Variants in CRYBG1 observed in about 807,000 individuals in gnomAD.
The protein encoded by CRYBG1 is crystallin beta-gamma domain containing 1.
A neutral mutation model predicts 189.2 loss-of-function variants in CRYBG1; 139 were observed. The ratio of observed to expected loss-of-function variants is 0.73; its 90% CI spans 0.64 to 0.85. The LOEUF (loss-of-function observed/expected upper bound fraction) is 0.85, where lower values mean the gene tolerates loss of function less well. Among genes scored for constraint, CRYBG1 ranks in the 40% least tolerant of loss-of-function variants. The pLI is 0.00. For synonymous variants in CRYBG1, 1,023 were observed against 1,017.1 expected, an observed-to-expected ratio of 1.01 and a Z score of -0.11; for missense variants, 2,611 against 2,675.8, an observed-to-expected ratio of 0.98 and a Z score of 0.53.
At chr6:106,525,756 C>T (rs1773725839) in intron 6 of CRYBG1, among the ~76,000 whole-genome samples, 2 of 151,638 alleles carry the variant, frequency 1.3e-5, no homozygotes, top group South Asian at 4.2e-4. Context: ...AGGCCAGATA[C>T]GACTTTTCAA....
chr6:106,557,070 C>T (rs1264082263), intron 17 of CRYBG1, among the ~76,000 whole-genome samples: 1 of 152,172 alleles, frequency 6.6e-6, no homozygotes, highest in Non-Finnish European at 1.5e-5. Flanking sequence ...CATATGAAGA[C>T]TACATATCTT....
chr6:106,422,189 T>C (rs1334071444), intron 1 of CRYBG1, among the ~76,000 whole-genome samples: 1 of 152,202 alleles, frequency 6.6e-6, no homozygotes, highest in Non-Finnish European at 1.5e-5. Context: ...TCCTGCAGCC[T>C]ATCCACACAT....
chr6:106,425,700 C>T lies in CRYBG1; in HGVS notation c.174-25994C>T, dbSNP rs572611508. Among the ~76,000 whole-genome samples, 40 of 152,262 alleles carry T rather than the reference C, an allele frequency of 2.6e-4. No individual in the cohort carries two copies. The South Asian group carries it at 5.4e-3, about 21-fold the overall frequency. On this transcript the variant is annotated intron_variant, in intron 1 of 21. Transcript: ENST00000633556. ...AGGCTGGAGTGCAATGGCGTGATCTCGGCTCACTGCAACCTCCGCCTCCCA... is the reference window on the plus strand; with the variant it reads ...AGGCTGGAGTGCAATGGCGTGATCTTGGCTCACTGCAACCTCCGCCTCCCA...
In CRYBG1 at chr6:106,512,235, C is replaced by A; in HGVS notation, c.1118C>A (p.Ala373Asp). ...CGCCCCAAGGGTCACGCCCACCCTG[C>A]TAAGGTGCTAACTTTGGACATCTAC... The part of the protein sequence containing the change: ...TARPKGHAHP[A>D]KVLTLDIYLS... The change falls in exon 3 of 22, where the codon GCT (alanine) becomes GAT (aspartate). Residue 373 changes from alanine to aspartate, a missense_variant. Physicochemically the swap from Ala to Asp is moderately radical, Grantham distance 126. Around this residue, in one of 3 missense-constraint regions of CRYBG1, gnomAD observed 985 missense variants for 924.4 expected, o/e 1.07. Coordinates refer to ENST00000633556, the MANE Select transcript of CRYBG1 (RefSeq NM_001371242.2). 1 of 1,540,150 alleles carries A rather than the reference C, an allele frequency of 6.5e-7. No homozygotes were observed. Among genetic ancestry groups the A allele is most frequent in the Non-Finnish European group, 8.7e-7 (1 of 1,147,898 alleles).
At chr6:106,500,278 C>G (rs553073979) in intron 2 of CRYBG1, among the ~76,000 whole-genome samples, 1 of 152,192 alleles carries the variant, frequency 6.6e-6, no homozygotes, top group Admixed American at 6.5e-5. Flanking sequence ...TTCCCACCAA[C>G]AGTGTATAAG....
In CRYBG1 at chr6:106,570,049, T is replaced by C. The variant is rs1194541639; in HGVS notation, c.*1483T>C. On this transcript the variant is annotated 3_prime_UTR_variant, in exon 22 of 22. Transcript: ENST00000633556. ...TAACAACTGACAAGACACCAGCCCA[T>C]ACGCTGCTCTTCCAACAGTGGGTTC... The C allele has an allele frequency of 6.6e-6, 1 of 152,236 alleles. No individual in the cohort carries two copies. Among genetic ancestry groups the C allele is most frequent in the East Asian group, 1.9e-4 (1 of 5,202 alleles). 9.4% of individuals were successfully genotyped at this position (152,236 alleles called of 1,614,324 possible).
intron 2 of CRYBG1, among the ~76,000 whole-genome samples, chr6:106,490,682 A>C (rs1193970580): frequency 2.6e-5 from 4 of 152,214 alleles, no homozygotes; most frequent in Non-Finnish European, 5.9e-5. Context: ...ACCTCTGTGC[A>C]TTGCAGAACT....
intron 1 of CRYBG1, among the ~76,000 whole-genome samples, chr6:106,364,144 G>T (rs1487898259): frequency 6.6e-6 from 1 of 151,698 alleles, no homozygotes; most frequent in Non-Finnish European, 1.5e-5. Flanking sequence ...GGCCAACATA[G>T]TGAAACCTCA....
chr6:106,381,105 C>T (rs1025759695), intron 1 of CRYBG1, among the ~76,000 whole-genome samples: 28 of 152,242 alleles, frequency 1.8e-4, no homozygotes, highest in African/African-American at 6.5e-4. Flanking sequence ...GTTTGATGAT[C>T]ACTTTACAAA....
intron 1 of CRYBG1, among the ~76,000 whole-genome samples, chr6:106,405,937 G>T (rs558599274): frequency 1.4e-4 from 22 of 152,312 alleles, no homozygotes; most frequent in Middle Eastern, 3.4e-3. Context: ...GTGCAAAAAG[G>T]CTGAAAATTC....
chr6:106,565,715 A>T (rs538501213), intron 21 of CRYBG1, among the ~76,000 whole-genome samples: 1 of 152,370 alleles, frequency 6.6e-6, no homozygotes, highest in Non-Finnish European at 1.5e-5. Context: ...AAACAGTAAC[A>T]TATAGTACAG....
rs1362565283 is a variant in CRYBG1 at position 106,512,687 on chromosome 6, G to A, written c.1570G>A (p.Ala524Thr). ...GAAGGGCAGGAGCCGTGCCCTCGAG[G>A]CCGTGCCCGCCCCGCCCGCCAGCGG... ...KRKGRSRALE[A>T]VPAPPASGPR... Residue 524 changes from alanine to threonine, a missense_variant, in exon 3 of 22, where the codon GCC becomes ACC. Ala to Thr is a moderately conservative substitution (Grantham distance 58, BLOSUM62 0). Transcript: ENST00000633556. The A allele has an allele frequency of 6.5e-7, 1 of 1,543,280 alleles. No homozygotes were observed. Among genetic ancestry groups the A allele is most frequent in the Non-Finnish European group, 8.7e-7 (1 of 1,144,342 alleles).
intron 6 of CRYBG1, among the ~76,000 whole-genome samples, chr6:106,525,944 A>C (rs1269877325): frequency 6.6e-6 from 1 of 152,236 alleles, no homozygotes; most frequent in African/African-American, 2.4e-5. Flanking sequence ...ATATTTCCAC[A>C]AAAGATTGTT....
At chr6:106,391,928 CGTGTGTGTGTGT>C (rs57024907) in intron 1 of CRYBG1, among the ~76,000 whole-genome samples, 30,976 of 131,062 alleles carry the variant, frequency 0.24, 3,709 homozygotes, top group East Asian at 0.35. Flanking sequence ...TTGTTTAAAA[CGTGTGTGTGTGT>C]GTGTGTGTGT....
At chr6:106,495,403 C>T (rs1259042224) in intron 2 of CRYBG1, among the ~76,000 whole-genome samples, 1 of 152,098 alleles carries the variant, frequency 6.6e-6, no homozygotes, top group Non-Finnish European at 1.5e-5. Context: ...AAAAAAGAAG[C>T]AACACTATGG....
At chr6:106,415,298 T>C (rs959484456) in intron 1 of CRYBG1, among the ~76,000 whole-genome samples, 2 of 152,224 alleles carry the variant, frequency 1.3e-5, no homozygotes, top group African/African-American at 4.8e-5. Context: ...TGTAATTCTG[T>C]GTAAAAAGTG....
At position 106,543,617 on chromosome 6, in the gene CRYBG1, G is replaced by A; in HGVS notation, c.5039+20G>A. On this transcript the variant is annotated intron_variant, in intron 11 of 21. Transcript: ENST00000633556. ...AGGCATGTAAGTACATGGGTGACTT[G>A]TTAGGATTTCTTTTTTTTCCGAAAT... 1.9e-6 allele frequency: 3 copies of A among 1,593,686 alleles called. No homozygotes were observed. Among genetic ancestry groups the A allele is most frequent in the Non-Finnish European group, 2.6e-6 (3 of 1,170,982 alleles).
At chr6:106,507,849 G>A (rs931931187) in intron 2 of CRYBG1, among the ~76,000 whole-genome samples, 2 of 152,218 alleles carry the variant, frequency 1.3e-5, no homozygotes, top group Non-Finnish European at 2.9e-5. Context: ...CCTGTTTGGA[G>A]ATATGATCTT....
intron 1 of CRYBG1, among the ~76,000 whole-genome samples, chr6:106,403,849 A>G (rs555452865): frequency 1.3e-5 from 2 of 152,374 alleles, no homozygotes; most frequent in South Asian, 4.1e-4. Context: ...GAGGTGATCT[A>G]AGAAAGGTCA....
Sources: allele counts gnomAD v4.1 joint callset (sites outside exome capture counted in the v4.1 genomes callset), GRCh38; gene constraint gnomAD v4.1.1; regional missense constraint gnomAD v4.1.1; transcripts MANE v1.5; gene names NCBI Gene and HGNC (gene_info 2026-07-23, HGNC 2026-07-21).